The following AUTS2 variants were observed in gnomAD, a reference collection of about 807,000 sequenced individuals.
The protein encoded by AUTS2 is autism susceptibility gene 2 protein.
A neutral mutation model predicts 112.4 loss-of-function variants in AUTS2; 17 were observed. The ratio of observed to expected loss-of-function variants is 0.15; its 90% CI spans 0.10 to 0.23. AUTS2 has a LOEUF of 0.23. AUTS2 is among the 10% of genes least tolerant of loss of function. The probability of loss-of-function intolerance (pLI) is 1.00; values close to 1 mark genes in which losing one functional copy is unlikely to be tolerated. For synonymous variants in AUTS2, 751 were observed against 702.7 expected (o/e 1.07, Z -1.09); for missense variants, 1,510 against 1,701.6 (o/e 0.89, Z 1.98).
At chr7:69,833,429 T>C (rs966318415) in intron 1 of AUTS2, among the ~76,000 whole-genome samples, 3 of 152,190 alleles carry the variant, frequency 2.0e-5, no homozygotes, top group East Asian at 3.8e-4. Context: ...AGCTCTATTA[T>C]ATTATCTCAA....
chr7:70,121,236 A>G (rs951481080), intron 3 of AUTS2, among the ~76,000 whole-genome samples: 15 of 152,218 alleles, frequency 9.9e-5, no homozygotes, highest in African/African-American at 3.4e-4. Context: ...TGTGAACACC[A>G]TAAAACTCTT....
chr7:69,978,114 G>A (rs1798134389), intron 2 of AUTS2, among the ~76,000 whole-genome samples: 1 of 152,110 alleles, frequency 6.6e-6, no homozygotes, highest in African/African-American at 2.4e-5. Flanking sequence ...AATAGAGGGT[G>A]ATAATTGCCT....
At chr7:69,741,456 G>A (rs1324793394) in intron 1 of AUTS2, among the ~76,000 whole-genome samples, 1 of 152,180 alleles carries the variant, frequency 6.6e-6, no homozygotes, top group Non-Finnish European at 1.5e-5. Flanking sequence ...CATAATCCCA[G>A]TACTTTGGGA....
At chr7:70,243,351 A>G (rs570918270) in intron 4 of AUTS2, among the ~76,000 whole-genome samples, 1 of 151,108 alleles carries the variant, frequency 6.6e-6, no homozygotes, top group South Asian at 2.1e-4. Context: ...TATGGCTTTT[A>G]TGATGTTCTG....
chr7:69,930,152 A>G (rs1187193679), intron 2 of AUTS2, among the ~76,000 whole-genome samples: 3 of 152,176 alleles, frequency 2.0e-5, no homozygotes, highest in Non-Finnish European at 4.4e-5. Flanking sequence ...CTCTCATGGG[A>G]ACAGGCACTG....
chr7:70,251,212 C>T (rs1353198589), intron 4 of AUTS2, among the ~76,000 whole-genome samples: 1 of 151,830 alleles, frequency 6.6e-6, no homozygotes. Flanking sequence ...TTACAGGCGC[C>T]TGCCACTACA....
intron 5 of AUTS2, among the ~76,000 whole-genome samples, chr7:70,440,844 C>T (rs1170973302): frequency 1.3e-5 from 2 of 152,190 alleles, no homozygotes; most frequent in Non-Finnish European, 2.9e-5. Context: ...CAAACACTGT[C>T]GGTTCCCAGA....
intron 1 of AUTS2, among the ~76,000 whole-genome samples, chr7:69,709,320 T>G (rs2129199115): frequency 6.6e-6 from 1 of 152,246 alleles, no homozygotes; most frequent in East Asian, 1.9e-4. Flanking sequence ...GAAAGGGACT[T>G]TGTGTGGGTG....
chr7:70,111,040 A>AT (rs971431691), intron 2 of AUTS2, among the ~76,000 whole-genome samples: 1,924 of 144,252 alleles, frequency 0.013, 42 homozygotes, highest in African/African-American at 0.044. Flanking sequence ...ATGCCCAGCA[A>AT]TTTTTTTTTT....
chr7:70,289,954 G>A (rs1253664760), intron 4 of AUTS2, among the ~76,000 whole-genome samples: 1 of 152,178 alleles, frequency 6.6e-6, no homozygotes, highest in Non-Finnish European at 1.5e-5. Flanking sequence ...ATTTTTATAT[G>A]TGATCCCACA....
intron 1 of AUTS2, among the ~76,000 whole-genome samples, chr7:69,882,329 ATTTTT>A (rs1226892738): frequency 2.6e-5 from 4 of 151,970 alleles, no homozygotes; most frequent in Admixed American, 2.6e-4. Context: ...TAAGTAAATA[ATTTTT>A]TTAAAAAGTG....
chr7:70,367,385 T>C (rs1461196236), intron 4 of AUTS2, among the ~76,000 whole-genome samples: 2 of 151,902 alleles, frequency 1.3e-5, no homozygotes, highest in African/African-American at 2.4e-5. Context: ...TGAAACCCCA[T>C]CTCTACTAAA....
chr7:69,627,799 A>G (rs1380362165), intron 1 of AUTS2, among the ~76,000 whole-genome samples: 1 of 152,190 alleles, frequency 6.6e-6, no homozygotes, highest in Non-Finnish European at 1.5e-5. Context: ...CATTTATCTC[A>G]GTTTCCTTGT....
chr7:70,124,691 T>A (rs1055874102), intron 3 of AUTS2, among the ~76,000 whole-genome samples: 1 of 152,078 alleles, frequency 6.6e-6, no homozygotes, highest in Non-Finnish European at 1.5e-5. Flanking sequence ...GTCCCCCGAG[T>A]AGCTGGGATT....
At chr7:70,538,069 C>T (rs1240738522) in intron 5 of AUTS2, among the ~76,000 whole-genome samples, 1 of 152,100 alleles carries the variant, frequency 6.6e-6, no homozygotes, top group African/African-American at 2.4e-5. Flanking sequence ...GACCCCATTT[C>T]TACAAAAAAT....
In AUTS2 at chr7:70,788,063, G is replaced by A. The variant is rs149198273; in HGVS notation, c.2531+632G>A. ...TAACCCATGCCTAAAAAAAAAAGTA[G>A]CGTTAAACAGGGAATGTCTTGGAGT... On this transcript the variant is annotated intron_variant, in intron 18 of 18. Transcript: ENST00000342771. 8.0e-3 allele frequency among the ~76,000 whole-genome samples: 1,224 copies of A among 152,146 alleles called. 12 individuals are homozygous for A. The highest frequency in any genetic ancestry group is 0.027 in the African/African-American group (1,137 of 41,488).
At chr7:70,598,888 G>A (rs772649568) in intron 5 of AUTS2, among the ~76,000 whole-genome samples, 1 of 152,164 alleles carries the variant, frequency 6.6e-6, no homozygotes, top group Non-Finnish European at 1.5e-5. Flanking sequence ...CAGTAAATTA[G>A]GAACAGATGT....
intron 1 of AUTS2, among the ~76,000 whole-genome samples, chr7:69,826,191 A>T (rs548365044): frequency 6.6e-6 from 1 of 152,220 alleles, no homozygotes; most frequent in Non-Finnish European, 1.5e-5. Flanking sequence ...ATTGAGAAGT[A>T]TATTAAGTAA....
chr7:70,290,772 A>C (rs1788672707), intron 4 of AUTS2: 1 of 652,328 alleles, frequency 1.5e-6, no homozygotes, highest in Non-Finnish European at 2.1e-6. Flanking sequence ...CTAATAAATT[A>C]GATTTTTTAA....
Sources: allele counts gnomAD v4.1 joint callset (sites outside exome capture counted in the v4.1 genomes callset), GRCh38; gene constraint gnomAD v4.1.1; transcripts MANE v1.5; gene names NCBI Gene and HGNC (gene_info 2026-07-23, HGNC 2026-07-21).